TAX1BP1: variants seen among roughly 807,000 people sequenced by gnomAD.
The protein encoded by TAX1BP1 is tax1-binding protein 1.
Under a neutral mutation model 97.7 loss-of-function variants are expected in TAX1BP1, and 62 were observed. The observed-to-expected ratio is 0.63, with a 90% confidence interval of 0.52 to 0.78. TAX1BP1 has a LOEUF of 0.78. Among genes scored for constraint, TAX1BP1 ranks in the 30% least tolerant of loss-of-function variants. The pLI is 0.00. For synonymous variants in TAX1BP1, 340 were observed against 304.2 expected (o/e 1.12, Z -1.23); for missense variants, 867 against 916.1 (o/e 0.95, Z 0.69).
rs1308858723 is a variant in TAX1BP1, at chr7:27,792,122, C to G, written c.1155C>G (p.Asp385Glu). The change falls in exon 9 of 17, where the codon GAC (aspartate) becomes GAG (glutamate). Residue 385 changes from aspartate to glutamate, a missense_variant. Asp to Glu is a conservative substitution (Grantham distance 45). Around this residue, in one of 3 missense-constraint regions of TAX1BP1, gnomAD observed 822 missense variants for 851.4 expected, o/e 0.97. Transcript: ENST00000396319. ...TCAGTGATGCTGTCAACGTACGAGA[C>G]AGAACGATGGCAGACCTGCATACTG... ...KELSDAVNVR[D>E]RTMADLHTAR... The G allele has an allele frequency of 1.2e-6, 2 of 1,613,882 alleles. No homozygotes were observed. The highest frequency in any genetic ancestry group is 8.5e-7 in the Non-Finnish European group (1 of 1,180,030).
chr7:27,814,286 T>C (rs183122165), intron 13 of TAX1BP1, among the ~76,000 whole-genome samples: 140 of 152,304 alleles, frequency 9.2e-4, no homozygotes, highest in African/African-American at 3.4e-3. Context: ...TATTTCTCAG[T>C]AGCCCTGGAG....
chr7:27,814,804 C>T (rs1015361728), intron 13 of TAX1BP1, among the ~76,000 whole-genome samples: 1 of 151,890 alleles, frequency 6.6e-6, no homozygotes, highest in African/African-American at 2.4e-5. Context: ...GGCGCGATCT[C>T]GGCTCACTGT....
intron 13 of TAX1BP1, among the ~76,000 whole-genome samples, chr7:27,810,207 C>CTTT (rs61226834): frequency 1.2e-3 from 174 of 143,348 alleles, no homozygotes; most frequent in African/African-American, 4.2e-3. Flanking sequence ...ACGCACAGCC[C>CTTT]TTTTTTTTTT....
At position 27,785,162 on chromosome 7, in the gene TAX1BP1, G is replaced by A; in HGVS notation, c.613-1G>A. On this transcript the variant is annotated splice_acceptor_variant, in intron 5 of 16. Transcript: ENST00000396319. LOFTEE classifies it high-confidence loss of function. ...CAAAATACCTTGTTGTCACTTCTCA[G>A]GGTCTTACTGAAGTAACACAAAGCT... The A allele has an allele frequency of 6.2e-7, 1 of 1,601,296 alleles. No individual in the cohort carries two copies. Among genetic ancestry groups the A allele is most frequent in the Non-Finnish European group, 8.5e-7 (1 of 1,176,188 alleles).
chr7:27,782,831 T>A (rs1789313934), intron 5 of TAX1BP1, among the ~76,000 whole-genome samples: 1 of 152,244 alleles, frequency 6.6e-6, no homozygotes, highest in Non-Finnish European at 1.5e-5. Flanking sequence ...TTTTTCTAGA[T>A]AATTGTTAGT....
At position 27,771,097 on chromosome 7, in the gene TAX1BP1, ATTTTTTTTTTTTTTTTTTTT is replaced by A. The variant is rs57751582; in HGVS notation, c.612+1277_612+1296del. 2.2e-4 allele frequency among the ~76,000 whole-genome samples: 9 copies of A among 40,618 alleles called. No individual in the cohort carries two copies. In the South Asian group the frequency reaches 6.0e-3, roughly 27 times the overall value. 26.6% of individuals were successfully genotyped at this position (40,618 alleles called of 152,430 possible). On this transcript the variant is annotated intron_variant, in intron 5 of 16. Coordinates refer to ENST00000396319, the MANE Select transcript of TAX1BP1 (RefSeq NM_006024.7). The stretch of plus-strand genomic sequence containing the variant: ...TCGATGACTATTAGGACATTCAGCA[ATTTTTTTTTTTTTTTTTTTT>A]TTTTTTTTTTTTTACTCATTTGTTG...
At chr7:27,779,240 C>G (rs1789152543) in intron 5 of TAX1BP1, among the ~76,000 whole-genome samples, 1 of 152,158 alleles carries the variant, frequency 6.6e-6, no homozygotes, top group Non-Finnish European at 1.5e-5. Flanking sequence ...TCCTCTCACC[C>G]CAGCCTCTCA....
intron 16 of TAX1BP1, 44 bp downstream of exon 16, chr7:27,827,864 A>G: frequency 6.4e-7 from 1 of 1,565,070 alleles, no homozygotes; most frequent in Non-Finnish European, 8.8e-7. Context: ...TATATCGGCC[A>G]GTGGTTCTCA....
chr7:27,824,360 T>G (rs1219875545), intron 15 of TAX1BP1, among the ~76,000 whole-genome samples: 1 of 151,682 alleles, frequency 6.6e-6, no homozygotes, highest in Non-Finnish European at 1.5e-5. Context: ...CCCAGGAGTT[T>G]GAGACCAGCC....
chr7:27,820,098 C>A (rs2128325924), intron 15 of TAX1BP1, among the ~76,000 whole-genome samples: 1 of 152,310 alleles, frequency 6.6e-6, no homozygotes. Flanking sequence ...TTGGGATACG[C>A]TATTTTAAAA....
intron 5 of TAX1BP1, among the ~76,000 whole-genome samples, chr7:27,776,873 T>C (rs1033797333): frequency 6.6e-6 from 1 of 151,988 alleles, no homozygotes. Flanking sequence ...AGTTAAATTT[T>C]ATTTGTCTCC....
intron 3 of TAX1BP1, among the ~76,000 whole-genome samples, chr7:27,759,872 G>C (rs78004887): frequency 3.3e-5 from 2 of 60,404 alleles, no homozygotes; most frequent in Non-Finnish European, 6.8e-5. Flanking sequence ...TTTTTTTTTT[G>C]AGCCGGAGTC....
intron 3 of TAX1BP1, among the ~76,000 whole-genome samples, chr7:27,759,977 C>T (rs1167742788): frequency 6.6e-6 from 1 of 151,892 alleles, no homozygotes; most frequent in East Asian, 1.9e-4. Context: ...CCTCAGCCTC[C>T]TGAGTAGCTG....
rs763206199 is a variant in TAX1BP1, at chr7:27,787,547, T to C, written c.982T>C (p.Cys328Arg). ...FKEEIGRLQL[C>R]LAEKENLQRT... The stretch of plus-strand genomic sequence containing the variant: ...AGAAGAGATTGGCAGGCTGCAGTTA[T>C]GTTTGGCTGAAAAGGAAAATCTGCA... Residue 328 changes from cysteine to arginine, a missense_variant, in exon 8 of 17, where the codon TGT (cysteine) becomes CGT (arginine). Cys to Arg is a radical substitution (Grantham distance 180). Coordinates refer to ENST00000396319, the MANE Select transcript of TAX1BP1 (RefSeq NM_006024.7). The C allele has an allele frequency of 8.7e-6, 14 of 1,613,314 alleles. No homozygotes were observed. Among genetic ancestry groups the C allele is most frequent in the African/African-American group, 6.7e-5 (5 of 74,910 alleles).
At chr7:27,799,936 CT>C (rs1198941014) in intron 12 of TAX1BP1, 28 bp from the exon 13 acceptor site, 1 of 1,551,176 alleles carries the variant, frequency 6.4e-7, no homozygotes, top group Non-Finnish European at 8.7e-7. Flanking sequence ...AATTTAAAAT[CT>C]TTTGGTAATT....
At chr7:27,747,194 T>G (rs1332425572) in intron 1 of TAX1BP1, among the ~76,000 whole-genome samples, 1 of 152,214 alleles carries the variant, frequency 6.6e-6, no homozygotes, top group Admixed American at 6.5e-5. Flanking sequence ...TCATAGTTTC[T>G]TATGTGTATT....
Position 27,813,145 on chromosome 7 carries a change from CT to C in TAX1BP1, c.1765-3182del, listed in dbSNP as rs57301512. On this transcript the variant is annotated intron_variant, in intron 13 of 16. Coordinates refer to ENST00000396319, the MANE Select transcript of TAX1BP1 (RefSeq NM_006024.7). The stretch of plus-strand genomic sequence containing the variant: ...TCATAAGTCCTCCAACTTTGTTCTG[CT>C]TTTTTTTTTTTTTTTTTTTTTCTTA... 8.4e-3 allele frequency among the ~76,000 whole-genome samples: 914 copies of C among 108,922 alleles called. 2 individuals are homozygous for C. Among genetic ancestry groups the C allele is most frequent in the East Asian group, 0.011 (41 of 3,672 alleles). The allele number at this position is 108,922 out of a possible 152,430, so 71.5% of individuals were successfully genotyped here.
chr7:27,799,398 C>G (rs1350517834), intron 12 of TAX1BP1, among the ~76,000 whole-genome samples: 1 of 152,106 alleles, frequency 6.6e-6, no homozygotes, highest in African/African-American at 2.4e-5. Context: ...AAGAAGTCAA[C>G]CTAAAAATTA....
chr7:27,796,590 G>A (rs80214135), intron 12 of TAX1BP1, among the ~76,000 whole-genome samples: 3,496 of 152,282 alleles, frequency 0.023, 129 homozygotes, highest in African/African-American at 0.079. Flanking sequence ...GGCCAGGTGC[G>A]GTGGCTCACG....
Sources: allele counts gnomAD v4.1 joint callset (sites outside exome capture counted in the v4.1 genomes callset), GRCh38; gene constraint gnomAD v4.1.1; regional missense constraint gnomAD v4.1.1; transcripts MANE v1.5; gene names NCBI Gene and HGNC (gene_info 2026-07-23, HGNC 2026-07-21).